The following PPP1R16B variants were observed in gnomAD, a reference collection of about 807,000 sequenced individuals.
PPP1R16B encodes the protein protein phosphatase 1 regulatory subunit 16B, also known as protein phosphatase 1 regulatory inhibitor subunit 16B.
Under a neutral mutation model 61.7 loss-of-function variants are expected in PPP1R16B, and 14 were observed. The observed-to-expected ratio is 0.23, with a 90% CI of 0.15 to 0.35. The LOEUF (loss-of-function observed/expected upper bound fraction) is 0.35. Ranked by LOEUF, PPP1R16B falls within the 10% of genes least tolerant of loss-of-function variation. The pLI is 1.00. For missense variants in PPP1R16B, 547 were observed against 752.5 expected (o/e 0.73, Z 3.19); for synonymous variants, 266 against 305.3 (o/e 0.87, Z 1.34).
chr20:38,895,962 TCTTTCTTCCCTCCCTC>T, intron 4 of PPP1R16B, among the ~76,000 whole-genome samples: 1 of 118,446 alleles, frequency 8.4e-6, no homozygotes, highest in Admixed American at 8.1e-5. Flanking sequence ...CCTCCTTTCT[TCTTTCTTCCCTCCCTC>T]CCTCCTTCCT....
chr20:38,904,635 C>A (rs2085424692), intron 6 of PPP1R16B, among the ~76,000 whole-genome samples: 1 of 152,044 alleles, frequency 6.6e-6, no homozygotes, highest in South Asian at 2.1e-4. Context: ...ATTTTCACAT[C>A]ATACCCTTGC....
intron 2 of PPP1R16B, among the ~76,000 whole-genome samples, chr20:38,866,469 G>A (rs138236498): frequency 0.013 from 1,948 of 152,338 alleles, 16 homozygotes; most frequent in Middle Eastern, 0.031. Context: ...CATGGTCAGC[G>A]TCCCGTAGCA....
At chr20:38,908,247 A>G in intron 10 of PPP1R16B, 54 bp downstream of exon 10, 1 of 1,603,270 alleles carries the variant, frequency 6.2e-7, no homozygotes, top group Non-Finnish European at 8.5e-7. Flanking sequence ...GGAGGAGAAC[A>G]GGGCCCAGCC....
At chr20:38,825,134 C>A (rs1029703527) in intron 1 of PPP1R16B, among the ~76,000 whole-genome samples, 2 of 152,188 alleles carry the variant, frequency 1.3e-5, no homozygotes. Context: ...TGTTCCCCTT[C>A]CTCTTATGCT....
chr20:38,903,570 C>T (rs2085414452), intron 6 of PPP1R16B, among the ~76,000 whole-genome samples: 1 of 78,682 alleles, frequency 1.3e-5, no homozygotes, highest in South Asian at 3.6e-4. Context: ...TCCATCCGTC[C>T]GTCCGTCCGT....
chr20:38,874,649 T>C (rs1466345608), intron 2 of PPP1R16B, among the ~76,000 whole-genome samples: 1 of 152,206 alleles, frequency 6.6e-6, no homozygotes, highest in African/African-American at 2.4e-5. Flanking sequence ...CTTTCATCCC[T>C]TGGGCTCAGA....
chr20:38,824,150 G>T (rs760714518), intron 1 of PPP1R16B, among the ~76,000 whole-genome samples: 13 of 152,180 alleles, frequency 8.5e-5, no homozygotes, highest in Non-Finnish European at 1.8e-4. Flanking sequence ...TCCCAGAAAG[G>T]TTACATGCAA....
At chr20:38,878,346 G>C (rs1432577481) in intron 2 of PPP1R16B, among the ~76,000 whole-genome samples, 1 of 152,144 alleles carries the variant, frequency 6.6e-6, no homozygotes, top group East Asian at 1.9e-4. Flanking sequence ...GGTAGTTTTG[G>C]GACAGCAGAA....
intron 2 of PPP1R16B, among the ~76,000 whole-genome samples, chr20:38,875,767 G>T (rs1166031155): frequency 6.6e-6 from 1 of 151,800 alleles, no homozygotes; most frequent in Admixed American, 6.6e-5. Flanking sequence ...AGACAGTGGG[G>T]ACAGCCAGAA....
chr20:38,811,743 T>C (rs78771342), intron 1 of PPP1R16B, among the ~76,000 whole-genome samples: 11,462 of 152,172 alleles, frequency 0.075, 471 homozygotes, highest in African/African-American at 0.1. Flanking sequence ...CGGGGGATAG[T>C]GGGGGAGAGG....
intron 2 of PPP1R16B, among the ~76,000 whole-genome samples, chr20:38,881,424 G>T (rs2085202607): frequency 6.6e-6 from 1 of 152,240 alleles, no homozygotes; most frequent in African/African-American, 2.4e-5. Flanking sequence ...AGAGCAGAGG[G>T]CTGGGCACAC....
chr20:38,832,413 C>A (rs181010494), intron 1 of PPP1R16B, among the ~76,000 whole-genome samples: 2 of 152,280 alleles, frequency 1.3e-5, no homozygotes, highest in East Asian at 3.9e-4. Context: ...CCAGAGAGGT[C>A]TGACTATAAT....
At position 38,809,998 on chromosome 20, in the gene PPP1R16B, A is replaced by AC. The variant is rs1434201517; in HGVS notation, c.-102+4206_-102+4207insC. 1.1e-3 allele frequency among the ~76,000 whole-genome samples: 161 copies of AC among 151,670 alleles called. 2 individuals carry two copies. The highest frequency in any genetic ancestry group is 3.7e-3 in the African/African-American group (151 of 41,338). On this transcript the variant is annotated intron_variant, in intron 1 of 10. Coordinates refer to ENST00000299824, the MANE Select transcript of PPP1R16B (RefSeq NM_015568.4). Reference sequence around the variant, plus strand: ...AGACCTTGTTTCGAAAAAAAAAAAAAAAAAAAAACAAAACCAAAAAACTTA... The same window carrying AC: ...AGACCTTGTTTCGAAAAAAAAAAAAACAAAAAAAACAAAACCAAAAAACTTA...
At chr20:38,817,434 G>A (rs1463719954) in intron 1 of PPP1R16B, among the ~76,000 whole-genome samples, 1 of 151,994 alleles carries the variant, frequency 6.6e-6, no homozygotes, top group Non-Finnish European at 1.5e-5. Context: ...GCATGGTTGT[G>A]TGTGCCTGTA....
At chr20:38,888,955 G>A (rs117479554) in intron 2 of PPP1R16B, among the ~76,000 whole-genome samples, 2,578 of 150,484 alleles carry the variant, frequency 0.017, 43 homozygotes, top group Middle Eastern at 0.031. Context: ...AGGGATTGGG[G>A]ATGGTTAAAA....
rs532551317 is a variant in PPP1R16B at position 38,830,484 on chromosome 20, A to G, written c.-101-5341A>G. Reference sequence around the variant, plus strand: ...TTTCCAACTGAAATAGATTTGTTTAAAAAGGAAATTTTATATCACAACCAT... The same window carrying G: ...TTTCCAACTGAAATAGATTTGTTTAGAAAGGAAATTTTATATCACAACCAT... On this transcript the variant is annotated intron_variant, in intron 1 of 10. Transcript: ENST00000299824. Among the ~76,000 whole-genome samples, 169 of 152,340 alleles carry G rather than the reference A, an allele frequency of 1.1e-3. 1 individual carries two copies. Among genetic ancestry groups the G allele is most frequent in the Middle Eastern group, 0.01 (3 of 294 alleles).
intron 4 of PPP1R16B, among the ~76,000 whole-genome samples, chr20:38,898,669 G>C (rs1056540242): frequency 6.6e-6 from 1 of 152,114 alleles, no homozygotes; most frequent in Non-Finnish European, 1.5e-5. Context: ...AATTAGCTGG[G>C]CGTGGTGGTG....
Position 38,805,734 on chromosome 20 carries a change from G to C in PPP1R16B, c.-160G>C, listed in dbSNP as rs996820304. 6.6e-6 allele frequency: 1 copy of C among 152,236 alleles called. No individual in the cohort carries two copies. The highest frequency in any genetic ancestry group is 6.5e-5 in the Admixed American group (1 of 15,280). 9.4% of individuals were successfully genotyped at this position (152,236 alleles called of 1,614,324 possible). On this transcript the variant is annotated 5_prime_UTR_variant, in exon 1 of 11. Transcript: ENST00000299824. ...GTCGCCGCTGGAGCAGCTGCGGCTC[G>C]GGGACCCACAGACACAGCCGGGGTC... is the stretch of plus-strand genomic sequence containing the variant.
At chr20:38,865,148 G>C (rs537474410) in intron 2 of PPP1R16B, among the ~76,000 whole-genome samples, 2 of 152,116 alleles carry the variant, frequency 1.3e-5, no homozygotes, top group East Asian at 3.9e-4. Flanking sequence ...CTGGGGCCCC[G>C]GTTGAGGGAA....
Sources: gnomAD v4.1 joint callset for allele counts (sites outside exome capture counted in the v4.1 genomes callset) on GRCh38, gnomAD v4.1.1 for gene constraint, MANE v1.5 for transcripts, NCBI Gene and HGNC (gene_info 2026-07-23, HGNC 2026-07-21) for gene names.